Variants in SYTL5 observed in about 807,000 individuals in gnomAD.
SYTL5 encodes the protein synaptotagmin like 5, also known as synaptotagmin-like protein 5.
In SYTL5, 34 loss-of-function variants were observed where a neutral mutation model predicts 55.9. The observed-to-expected ratio is 0.61, with a 90% CI of 0.46 to 0.81. The LOEUF (loss-of-function observed/expected upper bound fraction) is 0.81, where lower values mean the gene tolerates loss of function less well. Ranked by LOEUF, SYTL5 falls within the 30% of genes least tolerant of loss-of-function variation. The pLI, the probability that SYTL5 is intolerant of heterozygous loss-of-function variation, is 0.00. For missense variants in SYTL5, 637 were observed against 546.7 expected (o/e 1.17, Z -1.65); for synonymous variants, 221 against 188.7 (o/e 1.17, Z -1.40).
chrX:38,024,241 C>G, intron 1 of SYTL5, among the ~76,000 whole-genome samples: 1 of 109,525 alleles, frequency 9.1e-6, no homozygotes, highest in Non-Finnish European at 1.9e-5. Flanking sequence ...TTTTCCCATA[C>G]TGTTCTGGTG....
chrX:38,097,015 T>C lies in SYTL5; in HGVS notation c.1062+781T>C, dbSNP rs182410838. Among the ~76,000 whole-genome samples the C allele has an allele frequency of 3.8e-3, 420 of 111,531 alleles. 1 individual carries two copies. Among genetic ancestry groups the C allele is most frequent in the Non-Finnish European group, 6.4e-3 (335 of 52,652 alleles). On this transcript the variant is annotated intron_variant, in intron 9 of 16. Coordinates refer to ENST00000297875, the MANE Select transcript of SYTL5 (RefSeq NM_138780.3). ...TAAACTATTAAACTATTCGTGATCTTAGAAAACCATTGAAATCTTTTCATT... is the reference window on the plus strand; with the variant it reads ...TAAACTATTAAACTATTCGTGATCTCAGAAAACCATTGAAATCTTTTCATT...
chrX:38,070,994 G>A (rs1242145940), intron 3 of SYTL5, among the ~76,000 whole-genome samples: 2 of 111,512 alleles, frequency 1.8e-5, no homozygotes, highest in Non-Finnish European at 3.8e-5. Flanking sequence ...TCATTTCACT[G>A]ATGATAATAA....
intron 2 of SYTL5, 57 bp from the exon 3 acceptor site, chrX:38,054,156 A>T: frequency 1.1e-6 from 1 of 877,525 alleles, no homozygotes; most frequent in Non-Finnish European, 1.6e-6. Context: ...TAGACATTGT[A>T]GATATCTCTG....
At chrX:37,977,434 T>C in the SYTL5 span, among the ~76,000 whole-genome samples, 70 of 110,051 alleles carry the variant, frequency 6.4e-4, 1 homozygote, top group African/African-American at 2.3e-3. Context: ...ACAGGAGATA[T>C]ACACTCAGCA....
intron 9 of SYTL5, among the ~76,000 whole-genome samples, chrX:38,099,267 T>C (rs997450230): frequency 3.6e-5 from 4 of 111,152 alleles, no homozygotes; most frequent in African/African-American, 1.3e-4. Flanking sequence ...ATGCTTTCTA[T>C]TTTGTGAATG....
the SYTL5 span, among the ~76,000 whole-genome samples, chrX:37,934,353 T>G: frequency 5.5e-5 from 6 of 108,964 alleles, no homozygotes; most frequent in Non-Finnish European, 1.1e-4. Flanking sequence ...AGAACATCAA[T>G]AAAGAGATAA....
At chrX:37,938,633 C>G in the SYTL5 span, among the ~76,000 whole-genome samples, 2 of 111,300 alleles carry the variant, frequency 1.8e-5, no homozygotes, top group African/African-American at 6.5e-5. Context: ...CTTTCTCTCT[C>G]TCACCCCTCA....
intron 13 of SYTL5, among the ~76,000 whole-genome samples, chrX:38,116,573 C>T (rs1937492840): frequency 8.9e-6 from 1 of 112,320 alleles, no homozygotes; most frequent in African/African-American, 3.2e-5. Flanking sequence ...AAACAAAATG[C>T]AAATTCTTCT....
chrX:38,107,629 A>G (rs944987361), intron 11 of SYTL5, among the ~76,000 whole-genome samples: 7 of 111,704 alleles, frequency 6.3e-5, no homozygotes, highest in African/African-American at 2.0e-4. Context: ...GATGCCACCC[A>G]AGGGCCAAAT....
intron 3 of SYTL5, among the ~76,000 whole-genome samples, chrX:38,056,293 A>T (rs573728886): frequency 1.8e-5 from 2 of 111,846 alleles, no homozygotes; most frequent in Non-Finnish European, 3.8e-5. Context: ...AAATGAGTGG[A>T]TCTCATTCCT....
the SYTL5 span, among the ~76,000 whole-genome samples, chrX:37,895,780 T>C: frequency 9.0e-6 from 1 of 110,695 alleles, no homozygotes; most frequent in Non-Finnish European, 1.9e-5. Context: ...ACACCTGATA[T>C]TCTAAAAATT....
At chrX:38,030,023 A>G (rs761219432) in intron 1 of SYTL5, among the ~76,000 whole-genome samples, 5 of 111,584 alleles carry the variant, frequency 4.5e-5, no homozygotes, top group Non-Finnish European at 9.4e-5. Flanking sequence ...TCCCATTTTT[A>G]TGCCAGATCC....
At chrX:37,940,009 T>C in the SYTL5 span, among the ~76,000 whole-genome samples, 2 of 110,509 alleles carry the variant, frequency 1.8e-5, no homozygotes, top group African/African-American at 6.6e-5. Context: ...TTTTTTTTTG[T>C]ATTTTTAGTA....
chrX:38,074,905 A>AAC (rs72169928), intron 5 of SYTL5, among the ~76,000 whole-genome samples: 1,836 of 102,858 alleles, frequency 0.018, 14 homozygotes, highest in East Asian at 0.029. Context: ...ACACCCCCTC[A>AAC]ACACACACAC....
At chrX:37,894,928 C>T in the SYTL5 span, among the ~76,000 whole-genome samples, 1 of 111,374 alleles carries the variant, frequency 9.0e-6, no homozygotes, top group African/African-American at 3.3e-5. Flanking sequence ...GTTTTCAGTC[C>T]TTTGGATTCT....
chrX:37,922,170 T>C, the SYTL5 span, among the ~76,000 whole-genome samples: 1 of 111,782 alleles, frequency 8.9e-6, no homozygotes, highest in Non-Finnish European at 1.9e-5. Flanking sequence ...CCCAGAAGTA[T>C]TGGGTGTACA....
chrX:38,060,481 G>C (rs946343604), intron 3 of SYTL5, among the ~76,000 whole-genome samples: 3 of 111,664 alleles, frequency 2.7e-5, no homozygotes, highest in African/African-American at 9.7e-5. Context: ...GTTCACTGAT[G>C]TAGTTCTAGT....
At chrX:38,013,542 A>T (rs1028529588) in intron 1 of SYTL5, among the ~76,000 whole-genome samples, 1 of 111,793 alleles carries the variant, frequency 8.9e-6, no homozygotes, top group African/African-American at 3.3e-5. Flanking sequence ...TTTTCTATGT[A>T]ACCAAGGCAT....
intron 1 of SYTL5, among the ~76,000 whole-genome samples, chrX:38,019,308 CCCTT>C (rs1934463655): frequency 8.9e-6 from 1 of 111,943 alleles, no homozygotes; most frequent in East Asian, 2.8e-4. Context: ...TCTGACATCC[CCCTT>C]TCTCTTAGCT....
Sources: gnomAD v4.1 joint callset for allele counts (sites outside exome capture counted in the v4.1 genomes callset) on GRCh38, gnomAD v4.1.1 for gene constraint, MANE v1.5 for transcripts, NCBI Gene and HGNC (gene_info 2026-07-23, HGNC 2026-07-21) for gene names.